PDE6A: variants seen among roughly 807,000 people sequenced by gnomAD.
PDE6A encodes rod cGMP-specific 3',5'-cyclic phosphodiesterase subunit alpha.
A neutral mutation model predicts 106.3 loss-of-function variants in PDE6A; 84 were observed. The observed-to-expected ratio is 0.79, with a 90% CI of 0.66 to 0.95. PDE6A has a LOEUF of 0.95. Ranked by LOEUF, PDE6A falls within the 40% of genes least tolerant of loss-of-function variation. PDE6A has a pLI of 0.00. For missense variants in PDE6A, 1,052 were observed against 1,084.9 expected, an observed-to-expected ratio of 0.97 and a Z score of 0.43; for synonymous variants, 394 against 386.6, an observed-to-expected ratio of 1.02 and a Z score of -0.23.
chr5:149,870,719 G>GGCA (rs1760502430), intron 17 of PDE6A, among the ~76,000 whole-genome samples: 2 of 149,150 alleles, frequency 1.3e-5, no homozygotes, highest in Non-Finnish European at 3.0e-5. Context: ...GCTGGGCACA[G>GGCA]GGGATCCAGA....
intron 6 of PDE6A, among the ~76,000 whole-genome samples, chr5:149,909,114 G>A (rs1386620789): frequency 6.6e-6 from 1 of 151,902 alleles, no homozygotes; most frequent in Non-Finnish European, 1.5e-5. Flanking sequence ...TCCCACCTCA[G>A]TCTCCCAAGT....
At chr5:149,911,151 G>T (rs1260497619) in intron 6 of PDE6A, among the ~76,000 whole-genome samples, 1 of 151,910 alleles carries the variant, frequency 6.6e-6, no homozygotes, top group Non-Finnish European at 1.5e-5. Context: ...AAAGTGCTGG[G>T]TTTATAGGTG....
chr5:149,907,184 C>G (rs1011865975), intron 7 of PDE6A, 128 bp downstream of exon 7: 5 of 796,746 alleles, frequency 6.3e-6, no homozygotes, highest in Non-Finnish European at 9.0e-6. Context: ...TTGAGAGAAA[C>G]AAGAGAATTA....
chr5:149,943,243 C>G lies in PDE6A; in HGVS notation c.474+957G>C, dbSNP rs183774760. On this transcript the variant is annotated intron_variant, in intron 1 of 21. Transcript: ENST00000255266. ...TTTTACCAAGCATACTGCCTGCAAA[C>G]ACATTTTTAACAAAGCACATCCTGC... is the stretch of plus-strand genomic sequence containing the variant. Among the ~76,000 whole-genome samples, 204 of 152,328 alleles carry G rather than the reference C, an allele frequency of 1.3e-3. 4 individuals are homozygous for G. The South Asian group carries it at 0.015, about 11-fold the overall frequency.
chr5:149,914,236 C>T (rs1753480641), intron 6 of PDE6A, among the ~76,000 whole-genome samples: 1 of 152,168 alleles, frequency 6.6e-6, no homozygotes, highest in South Asian at 2.1e-4. Flanking sequence ...AGTCTTCCCC[C>T]TTCTTGGGCC....
At chr5:149,918,496 T>C (rs572526569) in intron 5 of PDE6A, among the ~76,000 whole-genome samples, 27 of 152,374 alleles carry the variant, frequency 1.8e-4, no homozygotes, top group Non-Finnish European at 2.9e-4. Context: ...AGGGGCTGAC[T>C]AGGAGGAAGG....
chr5:149,897,114 C>T (rs887031725), intron 10 of PDE6A, among the ~76,000 whole-genome samples: 6 of 152,142 alleles, frequency 3.9e-5, no homozygotes, highest in African/African-American at 1.4e-4. Flanking sequence ...TTAAATAATC[C>T]ATATAAAGCA....
chr5:149,885,835 T>C (rs1032006153), intron 14 of PDE6A, among the ~76,000 whole-genome samples: 7 of 152,220 alleles, frequency 4.6e-5, no homozygotes, highest in African/African-American at 1.7e-4. Context: ...GTTTCCTTGC[T>C]CTTTTGAGCT....
Position 149,859,990 on chromosome 5 carries a change from C to CGGAA in PDE6A, c.*904_*905insTTCC, listed in dbSNP as rs1760072555. ...CATGATCTCAGCTCACTGCAACTTC[C>CGGAA]GCCTCCTGGGTTCAAGAGATCCTCT... On this transcript the variant is annotated 3_prime_UTR_variant, in exon 22 of 22. Coordinates refer to ENST00000255266, the MANE Select transcript of PDE6A (RefSeq NM_000440.3). The CGGAA allele has an allele frequency of 6.6e-6, 1 of 152,186 alleles. No homozygotes were observed. The highest frequency in any genetic ancestry group is 6.5e-5 in the Admixed American group (1 of 15,270). 9.4% of individuals were successfully genotyped at this position (152,186 alleles called of 1,614,324 possible). A position where few individuals can be genotyped will look rare whatever the true frequency, so the allele number is the denominator to read the frequency against.
intron 17 of PDE6A, among the ~76,000 whole-genome samples, chr5:149,883,087 C>G (rs571959844): frequency 7.2e-5 from 11 of 152,088 alleles, no homozygotes; most frequent in African/African-American, 1.4e-4. Flanking sequence ...AACAAAAACC[C>G]CTTAATTGCT....
chr5:149,940,346 C>G (rs1361599798), intron 1 of PDE6A, among the ~76,000 whole-genome samples: 1 of 152,178 alleles, frequency 6.6e-6, no homozygotes, highest in East Asian at 1.9e-4. Context: ...TCCGGAAAGT[C>G]TCCTGAGTGG....
intron 17 of PDE6A, among the ~76,000 whole-genome samples, chr5:149,876,333 T>C (rs982573827): frequency 7.3e-5 from 11 of 151,506 alleles, no homozygotes; most frequent in Non-Finnish European, 1.6e-4. Flanking sequence ...GCACCTATTT[T>C]TTGCCCATTT....
At chr5:149,916,257 A>G (rs1163864984) in intron 5 of PDE6A, among the ~76,000 whole-genome samples, 1 of 152,246 alleles carries the variant, frequency 6.6e-6, no homozygotes, top group Non-Finnish European at 1.5e-5. Context: ...AACATTAAAT[A>G]TAGAGATTCG....
At chr5:149,910,746 G>A (rs1010878045) in intron 6 of PDE6A, among the ~76,000 whole-genome samples, 4 of 151,788 alleles carry the variant, frequency 2.6e-5, no homozygotes, top group Non-Finnish European at 4.4e-5. Flanking sequence ...CTAACAGATC[G>A]AACTAAAAAT....
At chr5:149,911,712 A>C (rs245068) in intron 6 of PDE6A, among the ~76,000 whole-genome samples, 56,988 of 151,876 alleles carry the variant, frequency 0.38, 12,002 homozygotes, top group Non-Finnish European at 0.49. Context: ...ATTTTTTTAA[A>C]TTATTGGCCA....
intron 17 of PDE6A, among the ~76,000 whole-genome samples, chr5:149,870,417 G>T (rs1200719740): frequency 6.6e-6 from 1 of 152,178 alleles, no homozygotes; most frequent in Non-Finnish European, 1.5e-5. Context: ...CTGTCAGATA[G>T]GTTGAGCAAA....
chr5:149,905,173 G>A (rs978702536), intron 7 of PDE6A, among the ~76,000 whole-genome samples: 1 of 151,992 alleles, frequency 6.6e-6, no homozygotes, highest in East Asian at 1.9e-4. Context: ...CCCTCTCCTG[G>A]GTCTCCAAAC....
chr5:149,888,546 C>T (rs1480049985), intron 13 of PDE6A, among the ~76,000 whole-genome samples: 1 of 149,352 alleles, frequency 6.7e-6, no homozygotes, highest in Non-Finnish European at 1.5e-5. Flanking sequence ...GGAAACAATT[C>T]TATAAGCAAT....
chr5:149,940,921 C>T (rs1045848633), intron 1 of PDE6A, among the ~76,000 whole-genome samples: 6 of 152,312 alleles, frequency 3.9e-5, no homozygotes, highest in African/African-American at 1.4e-4. Context: ...CTGAAGCCCC[C>T]TTCCTCTCCT....
Sources: gnomAD v4.1 joint callset for allele counts (sites outside exome capture counted in the v4.1 genomes callset) on GRCh38, gnomAD v4.1.1 for gene constraint, MANE v1.5 for transcripts, NCBI Gene and HGNC (gene_info 2026-07-23, HGNC 2026-07-21) for gene names.